The following CCDC85C variants were observed in gnomAD, a reference collection of about 807,000 sequenced individuals.
CCDC85C encodes coiled-coil domain-containing protein 85C.
Under a neutral mutation model 38.3 loss-of-function variants are expected in CCDC85C, and 18 were observed. The observed-to-expected ratio is 0.47, with a 90% CI of 0.33 to 0.70. The LOEUF (loss-of-function observed/expected upper bound fraction) is 0.70, where lower values mean the gene tolerates loss of function less well. CCDC85C is among the 30% of genes least tolerant of loss of function. The probability of loss-of-function intolerance (pLI) is 0.03; values close to 1 mark genes in which losing one functional copy is unlikely to be tolerated. For synonymous variants in CCDC85C, 264 were observed against 293.8 expected (o/e 0.90, Z 1.04); for missense variants, 566 against 621.2 (o/e 0.91, Z 0.94).
rs1244982581 is a variant in CCDC85C at position 99,515,274 on chromosome 14, G to A, written c.1232C>T (p.Ser411Phe). The change falls in exon 6 of 6, where the codon TCT (serine) becomes TTT (phenylalanine). Residue 411 changes from serine (S) to phenylalanine (F), a missense_variant. By Grantham distance (155) the Ser-to-Phe change is radical (BLOSUM62 -2). Around this residue, in one of 3 missense-constraint regions of CCDC85C, gnomAD observed 286 missense variants for 276.4 expected, o/e 1.03. Coordinates refer to ENST00000380243, the MANE Select transcript of CCDC85C (RefSeq NM_001144995.2). Reference sequence around the variant, plus strand: ...CAAAGGCCCCTTGAACTGGTTCCCAGACAGGTGCTGCCGTATGGAGGGCTT... The same window carrying A: ...CAAAGGCCCCTTGAACTGGTTCCCAAACAGGTGCTGCCGTATGGAGGGCTT... ...SSKPSIRQHL[S>F]GNQFKGPL 1.0e-5 allele frequency: 16 copies of A among 1,550,692 alleles called. No homozygotes were observed. The highest frequency in any genetic ancestry group is 5.9e-5 in the Admixed American group (3 of 50,972).
Position 99,516,412 on chromosome 14 carries a change from C to A in CCDC85C, c.1072-126G>T. On this transcript the variant is annotated intron_variant, in intron 4 of 5. Coordinates refer to ENST00000380243, the MANE Select transcript of CCDC85C (RefSeq NM_001144995.2). This position sits in a 1 kb window ranked among gnomAD's most constrained non-coding sequence, Gnocchi z 5.5. ...GCTGAGGACCCTGAGCCGCTGGGCC[C>A]CTGGGGACAAGCGTGGAAAAAACTG... 1 of 679,032 alleles carries A rather than the reference C, an allele frequency of 1.5e-6. No homozygotes were observed. The allele number at this position is 679,032 out of a possible 1,614,324, so 42.1% of individuals were successfully genotyped here.
At position 99,503,612 on chromosome 14, in the gene CCDC85C, T is replaced by A. The variant is rs767434647; in HGVS notation, c.*11634A>T. ...ATTGTGTATTTTCTTTTGTAACAGG[T>A]TGTTTCTCCCAAAGAAGAGAACAAA... On this transcript the variant is annotated 3_prime_UTR_variant, in exon 6 of 6. Transcript: ENST00000380243. 1.9e-6 allele frequency: 3 copies of A among 1,559,198 alleles called. 1 individual carries two copies. Among genetic ancestry groups the A allele is most frequent in the Non-Finnish European group, 2.6e-6 (3 of 1,149,544 alleles).
chr14:99,507,067 T>C lies in CCDC85C; in HGVS notation c.*8179A>G. On this transcript the variant is annotated 3_prime_UTR_variant, in exon 6 of 6. Transcript: ENST00000380243. ...ATGAGTGGTTTTCTAATCTGCTTTT[T>C]CTTTGTAGAACCACCACCACCTAAA... The C allele has an allele frequency of 6.3e-7, 1 of 1,586,532 alleles. No individual in the cohort carries two copies. The highest frequency in any genetic ancestry group is 8.7e-7 in the Non-Finnish European group (1 of 1,154,844).
At chr14:99,547,561 G>A (rs1325227619) in intron 1 of CCDC85C, among the ~76,000 whole-genome samples, 3 of 152,060 alleles carry the variant, frequency 2.0e-5, no homozygotes, top group Admixed American at 6.6e-5. Context: ...ATCACCTGAC[G>A]CCAGGAGTTC....
Position 99,516,504 on chromosome 14 carries a change from G to A in CCDC85C, c.1072-218C>T, listed in dbSNP as rs1897227931. Among the ~76,000 whole-genome samples the A allele has an allele frequency of 1.3e-5, 2 of 152,194 alleles. No individual in the cohort carries two copies. The highest frequency in any genetic ancestry group is 4.1e-4 in the South Asian group (2 of 4,824). ...TACAAGGGAAGCAGCTCATGGCTGG[G>A]CCACCCGGGAGGAAGTAGACAGGCT... On this transcript the variant is annotated intron_variant, in intron 4 of 5. Coordinates refer to ENST00000380243, the MANE Select transcript of CCDC85C (RefSeq NM_001144995.2). This position sits in a 1 kb window ranked among gnomAD's most constrained non-coding sequence, Gnocchi z 5.5.
intron 1 of CCDC85C, among the ~76,000 whole-genome samples, chr14:99,539,378 G>C (rs1897667279): frequency 6.7e-6 from 1 of 150,248 alleles, no homozygotes; most frequent in Admixed American, 6.7e-5. Flanking sequence ...GCTGAGGCAG[G>C]AGAATCACTT....
intron 1 of CCDC85C, among the ~76,000 whole-genome samples, chr14:99,602,160 G>A (rs2055205735): frequency 1.3e-5 from 2 of 152,364 alleles, no homozygotes; most frequent in African/African-American, 4.8e-5. Flanking sequence ...ACCAAAAAAC[G>A]TGGAAGAACA....
chr14:99,507,177 C>T lies in CCDC85C; in HGVS notation c.*8069G>A. On this transcript the variant is annotated 3_prime_UTR_variant, in exon 6 of 6. Transcript: ENST00000380243. ...GCATCTGCTGAAGCAGCTTGGCCAG[C>T]TGTGCACATCGCCTCTGAATGTTGG... 1 of 1,325,268 alleles carries T rather than the reference C, an allele frequency of 7.5e-7. No individual in the cohort carries two copies. Among genetic ancestry groups the T allele is most frequent in the Non-Finnish European group, 1.1e-6 (1 of 917,146 alleles). 82.1% of individuals were successfully genotyped at this position (1,325,268 alleles called of 1,614,324 possible). A position where few individuals can be genotyped will look rare whatever the true frequency, so the allele number is the denominator to read the frequency against.
At chr14:99,599,885 T>A (rs1324313738) in intron 1 of CCDC85C, among the ~76,000 whole-genome samples, 3 of 151,992 alleles carry the variant, frequency 2.0e-5, no homozygotes, top group African/African-American at 4.8e-5. Context: ...AAATAAATAA[T>A]AAATAAATAA....
rs943994244 is a variant in CCDC85C, at chr14:99,514,580, G to A, written c.*666C>T. On this transcript the variant is annotated 3_prime_UTR_variant, in exon 6 of 6. Coordinates refer to ENST00000380243, the MANE Select transcript of CCDC85C (RefSeq NM_001144995.2). ...GGGACATTGCAGAGACTGGGGGGGA[G>A]GGGGATGACCTCCAAAAGCAAGGAG... 1 of 152,660 alleles carries A rather than the reference G, an allele frequency of 6.6e-6. No homozygotes were observed. Among genetic ancestry groups the A allele is most frequent in the Non-Finnish European group, 1.5e-5 (1 of 68,422 alleles). 9.5% of individuals were successfully genotyped at this position (152,660 alleles called of 1,614,324 possible).
chr14:99,537,473 A>G (rs1475235551), intron 1 of CCDC85C, among the ~76,000 whole-genome samples: 1 of 152,070 alleles, frequency 6.6e-6, no homozygotes, highest in Non-Finnish European at 1.5e-5. Flanking sequence ...GGAGCCCCCT[A>G]TTCAGCCCTG....
Position 99,569,199 on chromosome 14 carries a change from T to A in CCDC85C, c.794-33111A>T, listed in dbSNP as rs1187428150. Among the ~76,000 whole-genome samples the A allele has an allele frequency of 6.6e-6, 1 of 152,244 alleles. No homozygotes were observed. Among genetic ancestry groups the A allele is most frequent in the Non-Finnish European group, 1.5e-5 (1 of 68,046 alleles). On this transcript the variant is annotated intron_variant, in intron 1 of 5. Transcript: ENST00000380243. This position sits in a 1 kb window ranked among gnomAD's most constrained non-coding sequence, Gnocchi z 4.3. ...GCAGTAAGGCCCACGTCGACCCATC[T>A]TCGTGAAGGAAGACCTAAATCCTCC...
intron 1 of CCDC85C, among the ~76,000 whole-genome samples, chr14:99,573,599 T>G (rs1055906238): frequency 3.3e-5 from 5 of 152,204 alleles, no homozygotes; most frequent in African/African-American, 4.8e-5. Context: ...CTGGACGTTC[T>G]GGCTCAAAGG....
rs1896973036 is a variant in CCDC85C, at chr14:99,506,283, G to A, written c.*8963C>T. On this transcript the variant is annotated 3_prime_UTR_variant, in exon 6 of 6. Coordinates refer to ENST00000380243, the MANE Select transcript of CCDC85C (RefSeq NM_001144995.2). The stretch of plus-strand genomic sequence containing the variant: ...TGAGTGGTGTACAAGCCAGAAGAAA[G>A]TACATTTCAGGAAGAAAAAGCCTCA... 1.3e-5 allele frequency: 2 copies of A among 152,276 alleles called. No homozygotes were observed. The highest frequency in any genetic ancestry group is 1.3e-4 in the Admixed American group (2 of 15,282). The allele number at this position is 152,276 out of a possible 1,614,324, so 9.4% of individuals were successfully genotyped here. A position where few individuals can be genotyped will look rare whatever the true frequency, so the allele number is the denominator to read the frequency against.
At chr14:99,551,484 G>A (rs1239566017) in intron 1 of CCDC85C, among the ~76,000 whole-genome samples, 1 of 151,484 alleles carries the variant, frequency 6.6e-6, no homozygotes, top group Non-Finnish European at 1.5e-5. Context: ...TGAGCAAGTG[G>A]GTGTAGAAGG....
chr14:99,527,805 C>A (rs1468204684), intron 2 of CCDC85C, among the ~76,000 whole-genome samples: 1 of 152,164 alleles, frequency 6.6e-6, no homozygotes, highest in Non-Finnish European at 1.5e-5. Flanking sequence ...CTAACTCATG[C>A]AGACTTGCAA....
intron 2 of CCDC85C, among the ~76,000 whole-genome samples, chr14:99,530,748 A>G (rs1897477774): frequency 6.6e-6 from 1 of 152,200 alleles, no homozygotes; most frequent in Admixed American, 6.5e-5. Context: ...TGCGCTGGGC[A>G]TCACCTCCCA....
intron 2 of CCDC85C, among the ~76,000 whole-genome samples, chr14:99,527,788 G>A (rs549219074): frequency 5.9e-5 from 9 of 152,072 alleles, no homozygotes; most frequent in South Asian, 4.2e-4. Flanking sequence ...CCCCAGCCTC[G>A]TCTCCACTAA....
At chr14:99,602,752 T>C (rs2055214876) in intron 1 of CCDC85C, among the ~76,000 whole-genome samples, 1 of 152,158 alleles carries the variant, frequency 6.6e-6, no homozygotes. Flanking sequence ...AGGACACCTG[T>C]TGCTGCAAGA....
Sources: gnomAD v4.1 joint callset for allele counts (sites outside exome capture counted in the v4.1 genomes callset) on GRCh38, gnomAD v4.1.1 for gene constraint, gnomAD v4.1.1 regional missense constraint, Gnocchi (gnomAD v3.1) non-coding constraint, MANE v1.5 for transcripts, NCBI Gene and HGNC (gene_info 2026-07-23, HGNC 2026-07-21) for gene names.